The following ENTREP1 variants were observed in gnomAD, a reference collection of about 807,000 sequenced individuals.
ENTREP1 encodes the protein endosomal transmembrane epsin interactor 1, also known as Friedreich ataxia region gene X123.
the ENTREP1 span, among the ~76,000 whole-genome samples, chr9:69,367,245 T>C: frequency 6.6e-6 from 1 of 151,992 alleles, no homozygotes; most frequent in Non-Finnish European, 1.5e-5. Flanking sequence ...ATATTTGTTT[T>C]TATAGCAGTA....
the ENTREP1 span, among the ~76,000 whole-genome samples, chr9:69,342,873 T>C: frequency 6.6e-6 from 1 of 152,262 alleles, no homozygotes; most frequent in Admixed American, 6.5e-5. Flanking sequence ...AACAGATCTT[T>C]GATTTCTTCC....
the ENTREP1 span, among the ~76,000 whole-genome samples, chr9:69,364,981 T>A: frequency 6.6e-6 from 1 of 152,112 alleles, no homozygotes; most frequent in Non-Finnish European, 1.5e-5. Context: ...CCTGGAGCAT[T>A]CTCTCAGCTT....
the ENTREP1 span, chr9:69,371,726 G>A: frequency 2.8e-6 from 2 of 712,004 alleles, no homozygotes; most frequent in Admixed American, 2.3e-5. Flanking sequence ...ACCTGAAATG[G>A]GTAAAGGGAA....
At chr9:69,327,815 A>C in the ENTREP1 span, among the ~76,000 whole-genome samples, 1 of 152,200 alleles carries the variant, frequency 6.6e-6, no homozygotes. Context: ...ACACAGGTCT[A>C]TATGCAACTC....
chr9:69,376,616 A>G, the ENTREP1 span, among the ~76,000 whole-genome samples: 1 of 152,016 alleles, frequency 6.6e-6, no homozygotes, highest in Non-Finnish European at 1.5e-5. Context: ...TTTGGTGGGG[A>G]GGAAGAATCT....
the ENTREP1 span, among the ~76,000 whole-genome samples, chr9:69,367,091 A>ATTTTT: frequency 9.5e-6 from 1 of 105,736 alleles, no homozygotes; most frequent in Admixed American, 9.8e-5. Context: ...TAATTAAACA[A>ATTTTT]TTTTTTTTTT....
At chr9:69,391,891 A>T in the ENTREP1 span, 1 of 1,318,934 alleles carries the variant, frequency 7.6e-7, no homozygotes, top group Non-Finnish European at 1.1e-6. Flanking sequence ...CCACCTCAAA[A>T]AAAAGGAGCA....
At chr9:69,368,632 G>C in the ENTREP1 span, among the ~76,000 whole-genome samples, 4 of 152,030 alleles carry the variant, frequency 2.6e-5, no homozygotes, top group East Asian at 5.8e-4. Context: ...TCCTTGTTTG[G>C]TGTTGGTATT....
chr9:69,384,034 T>C, the ENTREP1 span: 1 of 1,582,844 alleles, frequency 6.3e-7, no homozygotes, highest in East Asian at 2.2e-5. Flanking sequence ...AGGTAATAGA[T>C]ACATTGTGAC....
the ENTREP1 span, chr9:69,391,466 T>G: frequency 4.5e-3 from 3,073 of 686,908 alleles, 77 homozygotes; most frequent in African/African-American, 0.054. Context: ...AGTTCCACTT[T>G]GGGAAAATGC....
chr9:69,383,479 A>G, the ENTREP1 span: 2 of 1,499,896 alleles, frequency 1.3e-6, no homozygotes. Flanking sequence ...AGCAGCTTCT[A>G]TTATTCTCCC....
chr9:69,348,124 C>T, the ENTREP1 span, among the ~76,000 whole-genome samples: 1 of 152,020 alleles, frequency 6.6e-6, no homozygotes, highest in Non-Finnish European at 1.5e-5. Context: ...TTCTTTCTGT[C>T]TTTCTTTTTT....
chr9:69,350,695 T>C, the ENTREP1 span, among the ~76,000 whole-genome samples: 1 of 152,188 alleles, frequency 6.6e-6, no homozygotes, highest in African/African-American at 2.4e-5. Context: ...TTGAATACCT[T>C]GATGTATCTT....
At chr9:69,363,189 C>T in the ENTREP1 span, among the ~76,000 whole-genome samples, 18 of 152,248 alleles carry the variant, frequency 1.2e-4, no homozygotes, top group South Asian at 2.1e-4. Flanking sequence ...CTGTCTCTCA[C>T]GGTCTAAAAT....
chr9:69,325,465 C>G, the ENTREP1 span: 2 of 937,472 alleles, frequency 2.1e-6, no homozygotes, highest in Non-Finnish European at 2.5e-6. Flanking sequence ...CGCTGCAGCC[C>G]CCGTCGCGGC....
the ENTREP1 span, among the ~76,000 whole-genome samples, chr9:69,328,896 C>A: frequency 1.3e-5 from 2 of 151,990 alleles, no homozygotes; most frequent in Non-Finnish European, 2.9e-5. Flanking sequence ...CCCCTAGCCA[C>A]CCACTGATTA....
At chr9:69,377,489 C>T in the ENTREP1 span, 2 of 1,609,940 alleles carry the variant, frequency 1.2e-6, no homozygotes, top group Non-Finnish European at 1.7e-6. Flanking sequence ...TAAGTCTATG[C>T]AAGGGCATCA....
chr9:69,347,347 A>G, the ENTREP1 span, among the ~76,000 whole-genome samples: 1 of 152,164 alleles, frequency 6.6e-6, no homozygotes, highest in African/African-American at 2.4e-5. Context: ...TCCCAACATA[A>G]CAGGCAGATG....
chr9:69,367,816 T>TATATAAATATATATACACAC, the ENTREP1 span, among the ~76,000 whole-genome samples: 263 of 33,854 alleles, frequency 7.8e-3, 15 homozygotes, highest in African/African-American at 0.034. Context: ...TATACACACA[T>TATATAAATATATATACACAC]ATATATAAAT....
Sources: gnomAD v4.1 joint callset for allele counts (sites outside exome capture counted in the v4.1 genomes callset) on GRCh38, gnomAD v4.1.1 for gene constraint, MANE v1.5 for transcripts, NCBI Gene and HGNC (gene_info 2026-07-23, HGNC 2026-07-21) for gene names.